The following CLYBL variants were observed in gnomAD, a reference collection of about 807,000 sequenced individuals.
CLYBL encodes the protein citramalyl-CoA lyase, mitochondrial.
CLYBL carries 31 observed loss-of-function variants against 38.9 expected under a neutral mutation model. The observed-to-expected ratio is 0.80, with a 90% CI of 0.60 to 1.08. CLYBL has a LOEUF of 1.08. CLYBL is among the 50% of genes least tolerant of loss of function. The probability of loss-of-function intolerance (pLI) is 0.00; values close to 1 mark genes in which losing one functional copy is unlikely to be tolerated. For missense variants in CLYBL, 434 were observed against 411.6 expected (o/e 1.05, Z -0.47); for synonymous variants, 171 against 158.6 (o/e 1.08, Z -0.59).
intron 1 of CLYBL, among the ~76,000 whole-genome samples, chr13:99,717,455 A>G (rs959729119): frequency 1.3e-5 from 2 of 151,096 alleles, no homozygotes; most frequent in African/African-American, 4.9e-5. Context: ...AAAAAAAAAA[A>G]AAGAATTATT....
chr13:99,622,231 C>A (rs1460211973), intron 1 of CLYBL, among the ~76,000 whole-genome samples: 1 of 152,230 alleles, frequency 6.6e-6, no homozygotes, highest in Non-Finnish European at 1.5e-5. Context: ...TGATTAGCAA[C>A]CTTCATTCCA....
At chr13:99,866,498 G>T in intron 6 of CLYBL, 91 bp downstream of exon 6, 1 of 1,070,764 alleles carries the variant, frequency 9.3e-7, no homozygotes, top group Non-Finnish European at 1.4e-6. Context: ...AATCTCATCA[G>T]ATATCTCCCA....
intron 1 of CLYBL, among the ~76,000 whole-genome samples, chr13:99,682,934 C>T (rs916081428): frequency 6.6e-5 from 10 of 151,918 alleles, no homozygotes; most frequent in African/African-American, 1.2e-4. Context: ...ACGGGGGTTT[C>T]GCCATGTTGG....
downstream of CLYBL, chr13:99,892,680 G>A (rs1272417819): frequency 3.3e-5 from 5 of 152,592 alleles, no homozygotes; most frequent in African/African-American, 7.2e-5. Context: ...GACAAACACC[G>A]CGGGGAAGGC....
intron 2 of CLYBL, among the ~76,000 whole-genome samples, chr13:99,841,228 G>A (rs1212333283): frequency 6.6e-6 from 1 of 152,106 alleles, no homozygotes; most frequent in Non-Finnish European, 1.5e-5. Context: ...GCGCACGGAG[G>A]AAAGTAGACT....
At chr13:99,753,860 G>A (rs988702763) in intron 1 of CLYBL, among the ~76,000 whole-genome samples, 3 of 151,936 alleles carry the variant, frequency 2.0e-5, no homozygotes, top group South Asian at 4.2e-4. Flanking sequence ...AGGCCGAGAC[G>A]GGCGGATCAC....
chr13:99,721,108 A>G (rs1177060580), intron 1 of CLYBL, among the ~76,000 whole-genome samples: 1 of 148,296 alleles, frequency 6.7e-6, no homozygotes, highest in Non-Finnish European at 1.5e-5. Flanking sequence ...CAGTGATGTG[A>G]TATCTGCCCA....
At chr13:99,720,892 C>G (rs79823192) in intron 1 of CLYBL, among the ~76,000 whole-genome samples, 2 of 152,264 alleles carry the variant, frequency 1.3e-5, no homozygotes, top group East Asian at 3.9e-4. Flanking sequence ...GAAAACATCT[C>G]AGTCATAAGT....
chr13:99,755,159 A>G (rs1156854870), intron 1 of CLYBL, among the ~76,000 whole-genome samples: 2 of 151,890 alleles, frequency 1.3e-5, no homozygotes, highest in East Asian at 3.9e-4. Context: ...GGCCTCCCAG[A>G]GTGCTGGGAT....
At chr13:99,651,691 G>T (rs955617877) in intron 1 of CLYBL, among the ~76,000 whole-genome samples, 1 of 152,182 alleles carries the variant, frequency 6.6e-6, no homozygotes. Flanking sequence ...CAACACTTTG[G>T]GAGGGAGAGG....
At chr13:99,754,748 CTTTTT>C (rs35982336) in intron 1 of CLYBL, among the ~76,000 whole-genome samples, 2 of 124,454 alleles carry the variant, frequency 1.6e-5, no homozygotes, top group Admixed American at 1.7e-4. Flanking sequence ...CCATGCCCAG[CTTTTT>C]TTTTTTTTTT....
chr13:99,854,234 A>G (rs2051402229), intron 2 of CLYBL, among the ~76,000 whole-genome samples: 1 of 152,062 alleles, frequency 6.6e-6, no homozygotes, highest in African/African-American at 2.4e-5. Flanking sequence ...ATACATTAAC[A>G]TTCAAGGTTT....
Position 99,858,852 on chromosome 13 carries a change from CACTT to C in CLYBL, c.250-6_250-3del, listed in dbSNP as rs1309674677. ...AAATAAACAATAAACTTTTTATTGACACTTACAGAATGAAGCTCGACTGAGAATT... is the reference window on the plus strand; with the variant it reads ...AAATAAACAATAAACTTTTTATTGACACAGAATGAAGCTCGACTGAGAATT... On this transcript the variant is annotated splice_region_variant and splice_polypyrimidine_tract_variant and intron_variant, in intron 2 of 8. Coordinates refer to ENST00000339105, the MANE Select transcript of CLYBL (RefSeq NM_206808.5). 27 of 1,583,108 alleles carry C rather than the reference CACTT, an allele frequency of 1.7e-5. No individual in the cohort carries two copies. Among genetic ancestry groups the C allele is most frequent in the Non-Finnish European group, 2.2e-5 (26 of 1,165,748 alleles).
intron 1 of CLYBL, among the ~76,000 whole-genome samples, chr13:99,700,544 T>C (rs12184508): frequency 0.48 from 72,466 of 152,096 alleles, 17,752 homozygotes; most frequent in Middle Eastern, 0.57. Flanking sequence ...GGAGGCAAGT[T>C]CCGTCCTGTG....
At chr13:99,872,227 A>G (rs1230959700) in intron 7 of CLYBL, among the ~76,000 whole-genome samples, 2 of 152,134 alleles carry the variant, frequency 1.3e-5, no homozygotes, top group Non-Finnish European at 2.9e-5. Context: ...GTACAAACTC[A>G]CACTTAATCT....
At chr13:99,763,056 T>TA (rs2049195056) in intron 1 of CLYBL, among the ~76,000 whole-genome samples, 1 of 152,264 alleles carries the variant, frequency 6.6e-6, no homozygotes, top group Non-Finnish European at 1.5e-5. Context: ...TCATCAGTTC[T>TA]AACAGCTGTT....
chr13:99,792,206 A>G (rs2049932206), intron 2 of CLYBL, among the ~76,000 whole-genome samples: 1 of 152,230 alleles, frequency 6.6e-6, no homozygotes, highest in Non-Finnish European at 1.5e-5. Flanking sequence ...GAAAAAGTCC[A>G]GAGAAGGCAG....
At chr13:99,843,246 A>G (rs1361323692) in intron 2 of CLYBL, among the ~76,000 whole-genome samples, 1 of 152,148 alleles carries the variant, frequency 6.6e-6, no homozygotes, top group Admixed American at 6.5e-5. Context: ...AGTCAGACAA[A>G]AGGACTCTAA....
At chr13:99,842,878 G>A (rs114544597) in intron 2 of CLYBL, among the ~76,000 whole-genome samples, 102 of 152,186 alleles carry the variant, frequency 6.7e-4, no homozygotes, top group African/African-American at 2.4e-3. Context: ...ATAAATAGCC[G>A]CTACCCTCCA....
Sources: gnomAD v4.1 joint callset for allele counts (sites outside exome capture counted in the v4.1 genomes callset) on GRCh38, gnomAD v4.1.1 for gene constraint, MANE v1.5 for transcripts, NCBI Gene and HGNC (gene_info 2026-07-23, HGNC 2026-07-21) for gene names.